Variants in SLC24A4 observed in about 807,000 individuals in gnomAD.
SLC24A4 encodes solute carrier family 24 member 4.
A neutral mutation model predicts 79.0 loss-of-function variants in SLC24A4; 53 were observed. The observed-to-expected ratio is 0.67, with a 90% CI of 0.54 to 0.84. The LOEUF (loss-of-function observed/expected upper bound fraction) is 0.84, where lower values mean the gene tolerates loss of function less well. Ranked by LOEUF, SLC24A4 falls within the 40% of genes least tolerant of loss-of-function variation. SLC24A4 has a pLI of 0.00. For missense variants in SLC24A4, 731 were observed against 822.0 expected (o/e 0.89, Z 1.35); for synonymous variants, 323 against 323.8 (o/e 1.00, Z 0.03).
intron 2 of SLC24A4, among the ~76,000 whole-genome samples, chr14:92,399,466 A>G (rs1889970490): frequency 6.6e-6 from 1 of 152,234 alleles, no homozygotes; most frequent in East Asian, 1.9e-4. Flanking sequence ...AGGAAATAAC[A>G]TCATATCACT....
At chr14:92,331,038 A>T (rs1885448647) in intron 2 of SLC24A4, among the ~76,000 whole-genome samples, 1 of 152,188 alleles carries the variant, frequency 6.6e-6, no homozygotes, top group Non-Finnish European at 1.5e-5. Flanking sequence ...CTTGAAAAAG[A>T]CAGATTCCTG....
chr14:92,379,518 G>A (rs1424110893), intron 2 of SLC24A4, among the ~76,000 whole-genome samples: 1 of 152,030 alleles, frequency 6.6e-6, no homozygotes, highest in East Asian at 1.9e-4. Flanking sequence ...TTGTTGGGGG[G>A]AACCATGGCA....
intron 2 of SLC24A4, among the ~76,000 whole-genome samples, chr14:92,339,934 G>C (rs1886029663): frequency 6.6e-6 from 1 of 152,238 alleles, no homozygotes; most frequent in Non-Finnish European, 1.5e-5. Context: ...TGTCTTACTT[G>C]GGGTGTCAAG....
intron 2 of SLC24A4, among the ~76,000 whole-genome samples, chr14:92,395,301 G>A (rs1339983955): frequency 1.3e-5 from 2 of 152,074 alleles, no homozygotes; most frequent in Non-Finnish European, 2.9e-5. Flanking sequence ...CCCTAGCCCC[G>A]TTGCCTGGAG....
At chr14:92,492,389 C>A in intron 16 of SLC24A4, 149 bp downstream of exon 16, 1 of 726,610 alleles carries the variant, frequency 1.4e-6, no homozygotes, top group East Asian at 2.6e-5. Flanking sequence ...CATAGACACA[C>A]CCAAGTCCAG....
chr14:92,465,377 C>T (rs1295631721), intron 12 of SLC24A4, among the ~76,000 whole-genome samples: 9 of 152,160 alleles, frequency 5.9e-5, no homozygotes, highest in Admixed American at 1.3e-4. Context: ...AGATGCAAAG[C>T]GGGCCTTAAC....
At chr14:92,470,661 T>G (rs533758588) in intron 12 of SLC24A4, among the ~76,000 whole-genome samples, 1 of 152,286 alleles carries the variant, frequency 6.6e-6, no homozygotes, top group African/African-American at 2.4e-5. Context: ...TGATGAACAT[T>G]CCACTCCAAT....
At position 92,323,924 on chromosome 14, in the gene SLC24A4, C is replaced by T. The variant is rs1402767677; in HGVS notation, c.94C>T (p.Leu32=). Residue 32 remains leucine (L), a synonymous_variant, in exon 1 of 17, where the codon CTG becomes TTG. Coordinates refer to ENST00000532405, the MANE Select transcript of SLC24A4 (RefSeq NM_153646.4). The surrounding 1 kb of genome is among the most constrained non-coding windows in gnomAD (Gnocchi z 4.9). Reference sequence around the variant, plus strand: ...CGGCTTCGTGTGCGCGGTGCTGGCCCTGGTGTGCTGTGCGTCCGGCCTCTT... The same window carrying T: ...CGGCTTCGTGTGCGCGGTGCTGGCCTTGGTGTGCTGTGCGTCCGGCCTCTT... The part of the protein sequence containing the change: ...QVGFVCAVLA[L]VCCASGLFGS... The T allele has an allele frequency of 1.9e-6, 3 of 1,611,342 alleles. No individual in the cohort carries two copies. Among genetic ancestry groups the T allele is most frequent in the South Asian group, 2.2e-5 (2 of 90,970 alleles).
At chr14:92,369,996 A>T (rs1317471937) in intron 2 of SLC24A4, among the ~76,000 whole-genome samples, 1 of 148,350 alleles carries the variant, frequency 6.7e-6, no homozygotes, top group Non-Finnish European at 1.5e-5. Flanking sequence ...ATGGTTTCAC[A>T]AAAGAAATGT....
intron 11 of SLC24A4, 28 bp from the exon 12 acceptor site, chr14:92,456,376 G>C: frequency 6.2e-7 from 1 of 1,612,598 alleles, no homozygotes; most frequent in African/African-American, 1.3e-5. Context: ...ACATGCCTTG[G>C]TGTCCATGTT....
intron 15 of SLC24A4, 152 bp from the exon 16 acceptor site, chr14:92,492,023 T>C (rs1895704214): frequency 1.3e-6 from 1 of 749,488 alleles, no homozygotes. Context: ...CTTGAATCCG[T>C]ATTTTCCTGA....
rs1173921734 is a variant in SLC24A4 at position 92,490,952 on chromosome 14, T to C, written c.1538-713T>C. On this transcript the variant is annotated intron_variant, in intron 14 of 16. Transcript: ENST00000532405. This position sits in a 1 kb window ranked among gnomAD's most constrained non-coding sequence, Gnocchi z 4.3. ...GCTGTCTTCATCTTTGCCCAGGTTCTCCCTGCATGTCCAGTTTTCTCCTTT... is the reference window on the plus strand; with the variant it reads ...GCTGTCTTCATCTTTGCCCAGGTTCCCCCTGCATGTCCAGTTTTCTCCTTT... 6.6e-6 allele frequency among the ~76,000 whole-genome samples: 1 copy of C among 152,228 alleles called. No individual in the cohort carries two copies. The highest frequency in any genetic ancestry group is 2.4e-5 in the African/African-American group (1 of 41,472).
Position 92,361,713 on chromosome 14 carries a change from C to A in SLC24A4, c.241+35735C>A, listed in dbSNP as rs181604417. On this transcript the variant is annotated intron_variant, in intron 2 of 16. Transcript: ENST00000532405. ...GGTGATAATTACAGAGTGTCGGGAA[C>A]AGAGAGGTGCGATGTCTCGACTTTG... is the stretch of plus-strand genomic sequence containing the variant. Among the ~76,000 whole-genome samples, 6 of 152,158 alleles carry A rather than the reference C, an allele frequency of 3.9e-5. No individual in the cohort carries two copies. The East Asian group carries it at 1.2e-3, about 29-fold the overall frequency.
chr14:92,351,739 C>G (rs967795758), intron 2 of SLC24A4, among the ~76,000 whole-genome samples: 1 of 152,096 alleles, frequency 6.6e-6, no homozygotes, highest in African/African-American at 2.4e-5. Context: ...TGGCGCCCAC[C>G]TGTAATTCCA....
chr14:92,473,811 C>G (rs1485672370), intron 12 of SLC24A4, among the ~76,000 whole-genome samples: 1 of 152,236 alleles, frequency 6.6e-6, no homozygotes, highest in Non-Finnish European at 1.5e-5. Flanking sequence ...CCAATTTCAG[C>G]ATCCTCAGGG....
intron 10 of SLC24A4, chr14:92,452,436 C>T (rs539148939): frequency 2.0e-5 from 3 of 152,316 alleles, no homozygotes; most frequent in African/African-American, 7.2e-5. Context: ...TCGAATCAGC[C>T]AGGACAGGAG....
At chr14:92,477,194 G>T (rs1193276547) in intron 12 of SLC24A4, among the ~76,000 whole-genome samples, 1 of 152,134 alleles carries the variant, frequency 6.6e-6, no homozygotes, top group African/African-American at 2.4e-5. Flanking sequence ...ACCAATACTT[G>T]TTATTTATCT....
At chr14:92,385,681 C>T (rs895449993) in intron 2 of SLC24A4, among the ~76,000 whole-genome samples, 1 of 152,010 alleles carries the variant, frequency 6.6e-6, no homozygotes, top group Admixed American at 6.6e-5. Flanking sequence ...CGCACAGCTG[C>T]GGGGCCCCAT....
At chr14:92,489,368 GGCA>G (rs1895548903) in intron 14 of SLC24A4, among the ~76,000 whole-genome samples, 2 of 152,066 alleles carry the variant, frequency 1.3e-5, no homozygotes, top group South Asian at 4.1e-4. Context: ...GAACCCAGGA[GGCA>G]GATGTTACAG....
Sources: gnomAD v4.1 joint callset for allele counts (sites outside exome capture counted in the v4.1 genomes callset) on GRCh38, gnomAD v4.1.1 for gene constraint, Gnocchi (gnomAD v3.1) non-coding constraint, MANE v1.5 for transcripts, NCBI Gene and HGNC (gene_info 2026-07-23, HGNC 2026-07-21) for gene names.